Variants in PLXDC2 observed in about 807,000 individuals in gnomAD.
PLXDC2 encodes plexin domain containing 2.
Under a neutral mutation model 68.9 loss-of-function variants are expected in PLXDC2, and 40 were observed. The ratio of observed to expected loss-of-function variants is 0.58; its 90% CI spans 0.45 to 0.76. The LOEUF is 0.76. Among genes scored for constraint, PLXDC2 ranks in the 30% least tolerant of loss-of-function variants. The pLI is 0.00. For synonymous variants in PLXDC2, 243 were observed against 234.2 expected (o/e 1.04, Z -0.34); for missense variants, 644 against 661.9 (o/e 0.97, Z 0.30).
chr10:20,113,567 A>G (rs750766257), intron 4 of PLXDC2, among the ~76,000 whole-genome samples: 1 of 152,154 alleles, frequency 6.6e-6, no homozygotes, highest in Non-Finnish European at 1.5e-5. Flanking sequence ...CTCTCATTTC[A>G]ACAGTGAACC....
rs1564659038 is a variant in PLXDC2, at chr10:20,020,177, A to ATTTTTTTTTTTTTTT, written c.324+18191_324+18192insTTTTTTTTTTTTTTT. On this transcript the variant is annotated intron_variant, in intron 2 of 13. Transcript: ENST00000377252. ...CAAACACATGCCACCACACCCAGCAAATTTTTTTTTTTTTTTTTTTTTTGT... is the reference window on the plus strand; with the variant it reads ...CAAACACATGCCACCACACCCAGCAATTTTTTTTTTTTTTTATTTTTTTTTTTTTTTTTTTTTTGT... 6.3e-3 allele frequency among the ~76,000 whole-genome samples: 620 copies of ATTTTTTTTTTTTTTT among 98,044 alleles called. 23 individuals carry two copies. Among genetic ancestry groups the ATTTTTTTTTTTTTTT allele is most frequent in the African/African-American group, 0.025 (573 of 22,590 alleles). 64.3% of individuals were successfully genotyped at this position (98,044 alleles called of 152,430 possible).
At chr10:19,868,688 AAATT>A (rs1244036263) in intron 1 of PLXDC2, among the ~76,000 whole-genome samples, 10 of 152,206 alleles carry the variant, frequency 6.6e-5, no homozygotes, top group Admixed American at 3.9e-4. Flanking sequence ...TATTTTCAAA[AAATT>A]TACCCTCTGT....
At chr10:20,180,150 A>G (rs1649107123) in intron 9 of PLXDC2, among the ~76,000 whole-genome samples, 2 of 152,028 alleles carry the variant, frequency 1.3e-5, no homozygotes, top group Admixed American at 6.6e-5. Flanking sequence ...TTGAAAGCAT[A>G]GTTTCTTTAA....
chr10:20,087,241 A>C (rs1207328907), intron 4 of PLXDC2, among the ~76,000 whole-genome samples: 1 of 152,202 alleles, frequency 6.6e-6, no homozygotes, highest in African/African-American at 2.4e-5. Flanking sequence ...CCACATATTA[A>C]ATTTGCAGAT....
chr10:20,091,713 GCTC>G (rs1401771563), intron 4 of PLXDC2: 1 of 152,010 alleles, frequency 6.6e-6, no homozygotes, highest in Non-Finnish European at 1.5e-5. Context: ...GTCTGCGAGG[GCTC>G]CTCCTCAGAT....
chr10:20,261,533 T>C (rs941225400), intron 13 of PLXDC2, among the ~76,000 whole-genome samples: 2 of 152,140 alleles, frequency 1.3e-5, no homozygotes, highest in Admixed American at 6.6e-5. Flanking sequence ...ATTTTGGACA[T>C]GGAATCTCAT....
At chr10:19,923,339 A>G (rs1254060424) in intron 1 of PLXDC2, among the ~76,000 whole-genome samples, 1 of 152,252 alleles carries the variant, frequency 6.6e-6, no homozygotes, top group Non-Finnish European at 1.5e-5. Context: ...AGTATTGCCT[A>G]GTTAGAACAA....
intron 1 of PLXDC2, among the ~76,000 whole-genome samples, chr10:19,914,073 A>G (rs1391055861): frequency 6.8e-6 from 1 of 146,454 alleles, no homozygotes; most frequent in Non-Finnish European, 1.5e-5. Context: ...AGGGAGGGAG[A>G]GAAGGGAAGG....
intron 4 of PLXDC2, among the ~76,000 whole-genome samples, chr10:20,115,150 G>A (rs769820613): frequency 2.0e-5 from 3 of 152,136 alleles, no homozygotes; most frequent in Admixed American, 1.3e-4. Context: ...CAGAGGGCCA[G>A]CACGTTACTC....
intron 6 of PLXDC2, among the ~76,000 whole-genome samples, chr10:20,149,225 TTTTC>T (rs1260424305): frequency 2.6e-3 from 273 of 104,492 alleles, no homozygotes; most frequent in Middle Eastern, 0.01. Context: ...TTTTTTTTTC[TTTTC>T]TTTTTTTTTT....
chr10:19,930,153 C>T (rs1348438943), intron 1 of PLXDC2, among the ~76,000 whole-genome samples: 1 of 151,970 alleles, frequency 6.6e-6, no homozygotes, highest in African/African-American at 2.4e-5. Flanking sequence ...ACACAGCAGG[C>T]ATTATACTCT....
At chr10:19,876,238 C>A (rs757564434) in intron 1 of PLXDC2, among the ~76,000 whole-genome samples, 2 of 152,110 alleles carry the variant, frequency 1.3e-5, no homozygotes, top group Non-Finnish European at 2.9e-5. Context: ...ATGAGTTTTG[C>A]TATCTTTGAA....
intron 6 of PLXDC2, among the ~76,000 whole-genome samples, chr10:20,150,164 T>C (rs532434356): frequency 6.6e-6 from 1 of 152,310 alleles, no homozygotes; most frequent in African/African-American, 2.4e-5. Context: ...CTAAGGGTTT[T>C]AAGGATGTAT....
At chr10:20,150,278 G>A (rs991454139) in intron 6 of PLXDC2, among the ~76,000 whole-genome samples, 2 of 152,192 alleles carry the variant, frequency 1.3e-5, no homozygotes. Flanking sequence ...TGGGGAAATA[G>A]GTGGTGTTTG....
chr10:20,097,881 T>C (rs1833371692), intron 4 of PLXDC2, among the ~76,000 whole-genome samples: 1 of 149,450 alleles, frequency 6.7e-6, no homozygotes, highest in Non-Finnish European at 1.5e-5. Context: ...TTTCAAGTTA[T>C]GTTTATATAG....
chr10:20,115,726 CATTTT>C (rs1833612792), intron 4 of PLXDC2, among the ~76,000 whole-genome samples: 1 of 152,164 alleles, frequency 6.6e-6, no homozygotes, highest in South Asian at 2.1e-4. Context: ...AATACTATTA[CATTTT>C]ATTTAAATAA....
chr10:19,885,566 A>C (rs1003232200), intron 1 of PLXDC2, among the ~76,000 whole-genome samples: 2 of 152,004 alleles, frequency 1.3e-5, no homozygotes, highest in African/African-American at 2.4e-5. Flanking sequence ...TCAGCTTTCT[A>C]CATATGGCTA....
chr10:20,220,962 C>T (rs1275442110), intron 12 of PLXDC2, among the ~76,000 whole-genome samples: 1 of 150,512 alleles, frequency 6.6e-6, no homozygotes, highest in African/African-American at 2.4e-5. Flanking sequence ...CCTATCTCAA[C>T]CTCCTGAGCA....
At chr10:20,069,205 CAGA>C (rs1184696346) in intron 4 of PLXDC2, among the ~76,000 whole-genome samples, 2 of 152,076 alleles carry the variant, frequency 1.3e-5, no homozygotes, top group Non-Finnish European at 2.9e-5. Context: ...ATTTAGGATT[CAGA>C]AGAAGATTTG....
Sources: allele counts gnomAD v4.1 joint callset (sites outside exome capture counted in the v4.1 genomes callset), GRCh38; gene constraint gnomAD v4.1.1; transcripts MANE v1.5; gene names NCBI Gene and HGNC (gene_info 2026-07-23, HGNC 2026-07-21).